NBPF11: variants seen among roughly 807,000 people sequenced by gnomAD.
The protein encoded by NBPF11 is NBPF family member NBPF11.
NBPF11 carries 72 observed loss-of-function variants against 93.9 expected under a neutral mutation model. The ratio of observed to expected loss-of-function variants is 0.77; its 90% CI spans 0.63 to 0.93. The LOEUF is 0.93. Ranked by LOEUF, NBPF11 falls within the 40% of genes least tolerant of loss-of-function variation. The pLI, the probability that NBPF11 is intolerant of heterozygous loss-of-function variation, is 0.00. For synonymous variants in NBPF11, 224 were observed against 304.9 expected, an observed-to-expected ratio of 0.73 and a Z score of 2.76; for missense variants, 705 against 802.2, an observed-to-expected ratio of 0.88 and a Z score of 1.46.
intron 1 of NBPF11, among the ~76,000 whole-genome samples, chr1:148,150,897 T>G (rs1176875546): frequency 2.6e-5 from 4 of 151,632 alleles, no homozygotes; most frequent in Non-Finnish European, 5.9e-5. Flanking sequence ...CCGGCTAATT[T>G]TTTGTATTTT....
rs1471515871 is a variant in NBPF11, at chr1:148,146,484, G to A, written c.-548-2798C>T. On this transcript the variant is annotated intron_variant, in intron 1 of 23. Coordinates refer to ENST00000682118, the MANE Select transcript of NBPF11 (RefSeq NM_001385469.3). ...TCGCTGCCAAGCTCGCCTTCCTGCC[G>A]CCGGAGGCCACCTACTCCCTGGTGC... is the stretch of plus-strand genomic sequence containing the variant. 17 of 1,604,202 alleles carry A rather than the reference G, an allele frequency of 1.1e-5. 1 individual carries two copies. The Middle Eastern group carries it at 6.8e-4, about 64-fold the overall frequency.
intron 4 of NBPF11, among the ~76,000 whole-genome samples, 180 bp downstream of exon 4, chr1:148,135,489 AAAT>A (rs1456208894): frequency 5.3e-5 from 8 of 151,202 alleles, no homozygotes; most frequent in African/African-American, 2.0e-4. Flanking sequence ...AATGCCCATA[AAAT>A]TATTATCTAA....
At chr1:148,122,689 T>C (rs1174753824) in intron 8 of NBPF11, 40 bp downstream of exon 8, 14 of 1,605,412 alleles carry the variant, frequency 8.7e-6, no homozygotes, top group African/African-American at 8.0e-5. Flanking sequence ...CATTTTCATA[T>C]GTTACCACCC....
intron 1 of NBPF11, chr1:148,146,911 C>G: frequency 1.2e-6 from 2 of 1,611,994 alleles, no homozygotes; most frequent in Non-Finnish European, 1.7e-6. Context: ...CTGGCAGGCC[C>G]TGCGCACCAG....
At chr1:148,141,157 C>T (rs1672100361) in intron 2 of NBPF11, among the ~76,000 whole-genome samples, 1 of 151,748 alleles carries the variant, frequency 6.6e-6, no homozygotes, top group Non-Finnish European at 1.5e-5. Context: ...GAGGAGGAGG[C>T]ATGAAATGGT....
intron 23 of NBPF11, 48 bp from the exon 24 acceptor site, chr1:148,103,960 C>A (rs1232893836): frequency 3.7e-6 from 6 of 1,609,892 alleles, no homozygotes; most frequent in African/African-American, 2.7e-5. Flanking sequence ...AAATCAGACA[C>A]CACAGAGCCC....
At chr1:148,121,811 T>G (rs1166863067) in intron 9 of NBPF11, among the ~76,000 whole-genome samples, 2 of 151,954 alleles carry the variant, frequency 1.3e-5, no homozygotes, top group Admixed American at 6.5e-5. Context: ...CTGCCTAATT[T>G]TTTGTATTCT....
At chr1:148,148,045 C>T (rs1673481919) in intron 1 of NBPF11, among the ~76,000 whole-genome samples, 1 of 152,178 alleles carries the variant, frequency 6.6e-6, no homozygotes, top group African/African-American at 2.4e-5. Context: ...CAGCTGGGGG[C>T]TCCTGCCTGT....
chr1:148,132,754 T>TTTTTTTTTTTTTTTTTTTTTTTTTTC (rs1670630833), intron 4 of NBPF11, among the ~76,000 whole-genome samples: 1 of 62,238 alleles, frequency 1.6e-5, no homozygotes, highest in Non-Finnish European at 2.9e-5. Context: ...TTTTTTTTTT[T>TTTTTTTTTTTTTTTTTTTTTTTTTTC]TTTTTTTTTT....
At chr1:148,125,380 A>T (rs1165105495) in intron 5 of NBPF11, among the ~76,000 whole-genome samples, 1 of 151,978 alleles carries the variant, frequency 6.6e-6, no homozygotes, top group Non-Finnish European at 1.5e-5. Context: ...TACAGTCAGG[A>T]AGGCCCCTAG....
rs1662850855 is a variant in NBPF11, at chr1:148,103,822, T to A, written c.*74A>T. ...TGTAGTGCTGGAATGAGTCAGGTAGTTCAAAGTACATTGATGGAGTCGAAT... is the reference window on the plus strand; with the variant it reads ...TGTAGTGCTGGAATGAGTCAGGTAGATCAAAGTACATTGATGGAGTCGAAT... On this transcript the variant is annotated 3_prime_UTR_variant, in exon 24 of 24. Transcript: ENST00000682118. The A allele has an allele frequency of 4.3e-6, 7 of 1,611,732 alleles. No homozygotes were observed. The highest frequency in any genetic ancestry group is 5.9e-6 in the Non-Finnish European group (7 of 1,179,448).
At chr1:148,147,155 T>C (rs1673282651) in intron 1 of NBPF11, among the ~76,000 whole-genome samples, 1 of 152,122 alleles carries the variant, frequency 6.6e-6, no homozygotes. Context: ...GGAGCCAGGC[T>C]CCCTGGGAAC....
intron 7 of NBPF11, 26 bp from the exon 8 acceptor site, chr1:148,122,827 A>C (rs1489300183): frequency 2.5e-6 from 4 of 1,609,438 alleles, no homozygotes; most frequent in Non-Finnish European, 3.4e-6. Context: ...GTTCGTTCAG[A>C]TATTTCCCAC....
rs28451146 is a variant in NBPF11, at chr1:148,138,228, G to A, written c.-276-419C>T. Among the ~76,000 whole-genome samples the A allele has an allele frequency of 4.2e-4, 63 of 150,610 alleles. 1 individual carries two copies. The highest frequency in any genetic ancestry group is 5.7e-4 in the African/African-American group (23 of 40,590). On this transcript the variant is annotated intron_variant, in intron 2 of 23. Transcript: ENST00000682118. ...CATGTCCCACCTCCAGTCCTAAGGC[G>A]GTTTTCTCCTATCTCAGTAGATGGA...
Position 148,146,253 on chromosome 1 carries a change from G to A in NBPF11, c.-548-2567C>T, listed in dbSNP as rs1408415505. On this transcript the variant is annotated intron_variant, in intron 1 of 23. Coordinates refer to ENST00000682118, the MANE Select transcript of NBPF11 (RefSeq NM_001385469.3). Reference sequence around the variant, plus strand: ...GGCTGGGCCCTGGCCTCCTAACGGGGCTGCTGTCTGGGGCGGTAGCTGGGG... The same window carrying A: ...GGCTGGGCCCTGGCCTCCTAACGGGACTGCTGTCTGGGGCGGTAGCTGGGG... 5.2e-5 allele frequency: 60 copies of A among 1,147,186 alleles called. No homozygotes were observed. In the Middle Eastern group the frequency reaches 1.3e-3, roughly 25 times the overall value. The allele number at this position is 1,147,186 out of a possible 1,614,324, so 71.1% of individuals were successfully genotyped here.
At chr1:148,109,214 C>T (rs1425664089) in intron 17 of NBPF11, 70 bp downstream of exon 17, 22 of 959,096 alleles carry the variant, frequency 2.3e-5, no homozygotes, top group Non-Finnish European at 3.7e-5. Flanking sequence ...TCAGCGTGTA[C>T]TGTTTTCCCT....
chr1:148,118,053 C>T (rs1275027825), intron 11 of NBPF11, among the ~76,000 whole-genome samples: 8 of 151,606 alleles, frequency 5.3e-5, no homozygotes, highest in Admixed American at 3.3e-4. Flanking sequence ...TTCCTAATTC[C>T]GTTTCAAAAA....
intron 5 of NBPF11, among the ~76,000 whole-genome samples, chr1:148,126,307 C>G (rs1266008328): frequency 1.3e-5 from 2 of 151,904 alleles, no homozygotes; most frequent in Non-Finnish European, 2.9e-5. Flanking sequence ...CCCCTACTCC[C>G]TGCTCTTGAT....
chr1:148,148,257 C>T (rs1467065236), intron 1 of NBPF11, among the ~76,000 whole-genome samples: 1 of 152,242 alleles, frequency 6.6e-6, no homozygotes, highest in Non-Finnish European at 1.5e-5. Context: ...CTGGTGGAGT[C>T]CGAATGCCAG....
Sources: gnomAD v4.1 joint callset for allele counts (sites outside exome capture counted in the v4.1 genomes callset) on GRCh38, gnomAD v4.1.1 for gene constraint, MANE v1.5 for transcripts, NCBI Gene and HGNC (gene_info 2026-07-23, HGNC 2026-07-21) for gene names.